Variants in RYR3 observed in about 807,000 individuals in gnomAD.
RYR3 encodes the protein brain ryanodine receptor-calcium release channel.
A neutral mutation model predicts 584.3 loss-of-function variants in RYR3; 207 were observed. That is an observed-to-expected ratio of 0.35 (90% confidence interval 0.32 to 0.40). RYR3 has a LOEUF of 0.40. RYR3 is among the 10% of genes least tolerant of loss of function. The pLI is 1.00. For missense variants in RYR3, 5,616 were observed against 6,089.2 expected (o/e 0.92, Z 2.59); for synonymous variants, 2,416 against 2,248.5 (o/e 1.07, Z -2.11).
chr15:33,685,964 G>A (rs2064979624), intron 38 of RYR3, among the ~76,000 whole-genome samples: 2 of 152,116 alleles, frequency 1.3e-5, no homozygotes, highest in African/African-American at 4.8e-5. Flanking sequence ...GAAATTTATA[G>A]CACTAAATGC....
At position 33,794,048 on chromosome 15, in the gene RYR3, A is replaced by G. The variant is rs561012176; in HGVS notation, c.9830+5590A>G. Among the ~76,000 whole-genome samples, 236 of 53,762 alleles carry G rather than the reference A, an allele frequency of 4.4e-3. 3 individuals are homozygous for G. Among genetic ancestry groups the G allele is most frequent in the African/African-American group, 0.013 (219 of 16,366 alleles). The allele number at this position is 53,762 out of a possible 152,430, so 35.3% of individuals were successfully genotyped here. A position where few individuals can be genotyped will look rare whatever the true frequency, so the allele number is the denominator to read the frequency against. On this transcript the variant is annotated intron_variant, in intron 67 of 103. Coordinates refer to ENST00000634891, the MANE Select transcript of RYR3 (RefSeq NM_001036.6). ...TATAAATATATACATAAATACATATATATAAATATATACATAAATAAATAT... is the reference window on the plus strand; with the variant it reads ...TATAAATATATACATAAATACATATGTATAAATATATACATAAATAAATAT...
intron 1 of RYR3, among the ~76,000 whole-genome samples, chr15:33,325,640 T>G (rs1444837999): frequency 6.6e-6 from 1 of 151,906 alleles, no homozygotes; most frequent in East Asian, 1.9e-4. Flanking sequence ...TTTCTTTTCC[T>G]CTCTTTCCTT....
intron 1 of RYR3, among the ~76,000 whole-genome samples, chr15:33,350,341 G>A (rs906020224): frequency 3.3e-5 from 5 of 152,118 alleles, no homozygotes; most frequent in Non-Finnish European, 7.3e-5. Flanking sequence ...GCCAACATTA[G>A]ACAGATCAAT....
In RYR3 at chr15:33,785,798, A is replaced by G. The variant is rs557465804; in HGVS notation, c.9405A>G (p.Leu3135=). ...TEMPHVIEVI[L]PMLCNYLSYW... ...TGCCCCATGTCATCGAGGTGATCTTACCCATGCTCTGCAACTACTTGTCCT... is the reference window on the plus strand; with the variant it reads ...TGCCCCATGTCATCGAGGTGATCTTGCCCATGCTCTGCAACTACTTGTCCT... Residue 3135 remains leucine (L), a synonymous_variant, in exon 66 of 104, where the codon TTA becomes TTG. Coordinates refer to ENST00000634891, the MANE Select transcript of RYR3 (RefSeq NM_001036.6). 9.3e-6 allele frequency: 15 copies of G among 1,613,806 alleles called. 1 individual carries two copies. In the East Asian group the frequency reaches 2.2e-4, roughly 24 times the overall value.
chr15:33,791,269 G>A (rs979740258), intron 67 of RYR3, among the ~76,000 whole-genome samples: 1 of 152,110 alleles, frequency 6.6e-6, no homozygotes, highest in Non-Finnish European at 1.5e-5. Flanking sequence ...GTAAGAGAGA[G>A]ACAATTTCTA....
chr15:33,659,755 C>T lies in RYR3; in HGVS notation c.4344C>T (p.Phe1448=). 6.2e-7 allele frequency: 1 copy of T among 1,613,434 alleles called. No individual in the cohort carries two copies. The highest frequency in any genetic ancestry group is 1.7e-5 in the Admixed American group (1 of 60,018). Residue 1448 remains phenylalanine (F), a synonymous_variant, in exon 33 of 104, where the codon TTC becomes TTT. Transcript: ENST00000634891. ...ATACCAAAGTGTTTCCAGCAGTCTT[C>T]CTGCAGCCTACAAGTACTTCTTTGT... The part of the protein sequence containing the change: ...EPNTKVFPAV[F]LQPTSTSLFQ...
chr15:33,823,297 G>C (rs758640426), intron 81 of RYR3, among the ~76,000 whole-genome samples: 4 of 152,206 alleles, frequency 2.6e-5, no homozygotes, highest in East Asian at 1.9e-4. Context: ...ACATACACAC[G>C]CTCCCCCACT....
chr15:33,621,941 C>T (rs2060745989), intron 19 of RYR3, among the ~76,000 whole-genome samples: 1 of 152,130 alleles, frequency 6.6e-6, no homozygotes, highest in Admixed American at 6.5e-5. Flanking sequence ...GAAAGTTTTG[C>T]CAAATCATAA....
chr15:33,823,882 T>G (rs34649393), intron 81 of RYR3, among the ~76,000 whole-genome samples: 10,983 of 152,218 alleles, frequency 0.072, 514 homozygotes, highest in Middle Eastern at 0.11. Context: ...TTTAAAAATG[T>G]GGAGGATGGT....
intron 1 of RYR3, among the ~76,000 whole-genome samples, chr15:33,437,373 G>C (rs186509906): frequency 1.4e-4 from 22 of 152,278 alleles, no homozygotes; most frequent in Admixed American, 2.6e-4. Flanking sequence ...ATACTCCAAG[G>C]TTTTATATTT....
intron 19 of RYR3, among the ~76,000 whole-genome samples, chr15:33,620,103 T>C (rs531750293): frequency 6.6e-6 from 1 of 152,222 alleles, no homozygotes; most frequent in South Asian, 2.1e-4. Context: ...AAGTCCCTTT[T>C]TAAGATGGCA....
At chr15:33,770,241 G>A (rs951493427) in intron 62 of RYR3, among the ~76,000 whole-genome samples, 27 of 152,116 alleles carry the variant, frequency 1.8e-4, no homozygotes, top group Non-Finnish European at 3.4e-4. Flanking sequence ...GCGTCCCAAA[G>A]ATGAAAATCC....
At chr15:33,443,405 A>T (rs114178320) in intron 1 of RYR3, among the ~76,000 whole-genome samples, 1 of 152,320 alleles carries the variant, frequency 6.6e-6, no homozygotes, top group African/African-American at 2.4e-5. Flanking sequence ...CATTAAGAAC[A>T]CGACATAATT....
In RYR3 at chr15:33,631,276, G is replaced by T; in HGVS notation, c.2850G>T (p.Lys950Asn). 1 of 1,585,144 alleles carries T rather than the reference G, an allele frequency of 6.3e-7. No individual in the cohort carries two copies. Among genetic ancestry groups the T allele is most frequent in the South Asian group, 1.2e-5 (1 of 86,428 alleles). Residue 950 changes from lysine to asparagine, a missense_variant, in exon 23 of 104, where the codon AAG (lysine) becomes AAT (asparagine). By Grantham distance (94) the Lys-to-Asn change is moderately conservative. Transcript: ENST00000634891. Reference protein sequence around the residue: ...VNPAAEEDLKKVKLPKNYMMS... With the variant: ...VNPAAEEDLKNVKLPKNYMMS... ...CAGCTGCTGAGGAGGATCTCAAGAAGGTCAAACTGCCCAAAAAGTAGGTGA... is the reference window on the plus strand; with the variant it reads ...CAGCTGCTGAGGAGGATCTCAAGAATGTCAAACTGCCCAAAAAGTAGGTGA...
intron 1 of RYR3, among the ~76,000 whole-genome samples, chr15:33,375,057 GT>G (rs2040623151): frequency 6.6e-6 from 1 of 152,224 alleles, no homozygotes; most frequent in South Asian, 2.1e-4. Flanking sequence ...CTAGTGGAGA[GT>G]ATCCAGCCTT....
At chr15:33,361,267 C>T (rs554496120) in intron 1 of RYR3, among the ~76,000 whole-genome samples, 25 of 152,302 alleles carry the variant, frequency 1.6e-4, no homozygotes, top group African/African-American at 5.5e-4. Flanking sequence ...TGGACACTTG[C>T]TGAACACATG....
intron 72 of RYR3, 43 bp from the exon 73 acceptor site, chr15:33,812,820 G>T (rs755781171): frequency 6.2e-7 from 1 of 1,602,568 alleles, no homozygotes; most frequent in East Asian, 2.2e-5. Context: ...AGTATAAGAA[G>T]TACAGGAAAT....
At position 33,670,402 on chromosome 15, in the gene RYR3, G is replaced by A; in HGVS notation, c.5723-17G>A. 1 of 1,612,842 alleles carries A rather than the reference G, an allele frequency of 6.2e-7. No individual in the cohort carries two copies. The highest frequency in any genetic ancestry group is 1.1e-5 in the South Asian group (1 of 90,908). On this transcript the variant is annotated splice_polypyrimidine_tract_variant and intron_variant, in intron 37 of 103. Transcript: ENST00000634891. The stretch of plus-strand genomic sequence containing the variant: ...ATGCACTGCTTTGGATTTTCACCCT[G>A]TTCTGTGGCTTGCTAGGGGTTCCTT...
In RYR3 at chr15:33,785,976, A is replaced by G; in HGVS notation, c.9583A>G (p.Ile3195Val). The change falls in exon 66 of 104, where the codon ATT becomes GTT. Residue 3195 changes from isoleucine (I) to valine (V), a missense_variant. By Grantham distance (29) the Ile-to-Val change is conservative. Transcript: ENST00000634891. ...GIDEASWMKR[I>V]AVYAQPIISK... ...CGATGAGGCCTCCTGGATGAAGCGCATTGCAGGTACCGACCCCTTTCTCCC... is the reference window on the plus strand; with the variant it reads ...CGATGAGGCCTCCTGGATGAAGCGCGTTGCAGGTACCGACCCCTTTCTCCC... The G allele has an allele frequency of 6.4e-7, 1 of 1,570,814 alleles. No homozygotes were observed. Among genetic ancestry groups the G allele is most frequent in the Non-Finnish European group, 8.7e-7 (1 of 1,155,228 alleles).
Sources: allele counts gnomAD v4.1 joint callset (sites outside exome capture counted in the v4.1 genomes callset), GRCh38; gene constraint gnomAD v4.1.1; transcripts MANE v1.5; gene names NCBI Gene and HGNC (gene_info 2026-07-23, HGNC 2026-07-21).